Variants in OTOGL observed in about 807,000 individuals in gnomAD.
OTOGL encodes otogelin like, also known as otogelin-like protein.
Under a neutral mutation model 318.5 loss-of-function variants are expected in OTOGL, and 285 were observed. The ratio of observed to expected loss-of-function variants is 0.89; its 90% CI spans 0.81 to 0.99. The LOEUF is 0.99. OTOGL is among the 50% of genes least tolerant of loss of function. OTOGL has a pLI of 0.00. For synonymous variants in OTOGL, 987 were observed against 936.5 expected, an observed-to-expected ratio of 1.05 and a Z score of -0.99; for missense variants, 2,899 against 2,845.6, an observed-to-expected ratio of 1.02 and a Z score of -0.43.
intron 1 of OTOGL, among the ~76,000 whole-genome samples, chr12:80,140,012 C>T (rs1871827767): frequency 6.6e-6 from 1 of 152,158 alleles, no homozygotes; most frequent in South Asian, 2.1e-4. Flanking sequence ...TCTTACCATG[C>T]TATTTAAGCC....
Position 80,378,096 on chromosome 12 carries a change from A to G in OTOGL, c.*48A>G, listed in dbSNP as rs147988184. On this transcript the variant is annotated 3_prime_UTR_variant, in exon 59 of 59. Transcript: ENST00000547103. ...ATACAACATCATAACGTCAGATAGA[A>G]TTAACTTTTATTGCTATTACTTAGG... The G allele has an allele frequency of 8.1e-4, 1,085 of 1,339,794 alleles. 8 individuals are homozygous for G. In the Middle Eastern group the frequency reaches 8.2e-3, roughly 10 times the overall value. The allele number at this position is 1,339,794 out of a possible 1,614,324, so 83.0% of individuals were successfully genotyped here.
Position 80,271,686 on chromosome 12 carries a change from A to T in OTOGL, c.2557A>T (p.Arg853Trp), listed in dbSNP as rs760438440. Residue 853 changes from arginine to tryptophan, a missense_variant, in exon 24 of 59, where the codon AGG becomes TGG. Arg to Trp is a moderately radical substitution (Grantham distance 101). Around this residue, in one of 3 missense-constraint regions of OTOGL, gnomAD observed 2,607 missense variants for 2,524.9 expected, o/e 1.03. Transcript: ENST00000547103. ...CPEGKEYFDC[R>W]FPDPELPAGG... ...AGAGGGAAAAGAGTATTTCGACTGC[A>T]GGTTTCCTGACCCTGAATTACCAGC... The T allele has an allele frequency of 6.2e-7, 1 of 1,613,110 alleles. No homozygotes were observed. The highest frequency in any genetic ancestry group is 1.7e-5 in the Admixed American group (1 of 59,848).
chr12:80,290,476 T>C (rs181090684), intron 26 of OTOGL, among the ~76,000 whole-genome samples: 161 of 152,266 alleles, frequency 1.1e-3, no homozygotes, highest in Middle Eastern at 3.4e-3. Flanking sequence ...TTTAATTATT[T>C]TTGAAATTAT....
At chr12:80,302,851 A>C (rs901549165) in intron 28 of OTOGL, 68 bp downstream of exon 28, 6 of 1,230,168 alleles carry the variant, frequency 4.9e-6, no homozygotes, top group Non-Finnish European at 6.3e-6. Flanking sequence ...ATGTTTGATG[A>C]AAATAAAATG....
intron 1 of OTOGL, among the ~76,000 whole-genome samples, chr12:80,101,407 G>A (rs560944222): frequency 2.0e-5 from 3 of 152,242 alleles, no homozygotes; most frequent in African/African-American, 7.2e-5. Flanking sequence ...TCATTCTCCT[G>A]AACATCCTCC....
At position 80,293,747 on chromosome 12, in the gene OTOGL, A is replaced by C. The variant is rs991289065; in HGVS notation, c.2929-3080A>C. Among the ~76,000 whole-genome samples the C allele has an allele frequency of 2.6e-5, 4 of 152,164 alleles. No homozygotes were observed. In the East Asian group the frequency reaches 7.7e-4, roughly 29 times the overall value. ...AGATCTTCCTGCAAAACATTAAAAA[A>C]AATCAGTATTTTCTGGTTCAAATTT... On this transcript the variant is annotated intron_variant, in intron 26 of 58. Transcript: ENST00000547103.
Position 80,355,917 on chromosome 12 carries a change from T to C in OTOGL, c.5775T>C (p.Asp1925=), listed in dbSNP as rs1319190500. ...REAEVVMGII[D]KWTCCSKEVC... Reference sequence around the variant, plus strand: ...CTGAAGTTGTCATGGGCATCATTGATAAATGGACCTGCTGTTCAAAGGAAG... The same window carrying C: ...CTGAAGTTGTCATGGGCATCATTGACAAATGGACCTGCTGTTCAAAGGAAG... Residue 1925 remains aspartate, a synonymous_variant, in exon 47 of 59, where the codon GAT becomes GAC. Coordinates refer to ENST00000547103, the MANE Select transcript of OTOGL (RefSeq NM_001378609.3). 6.2e-7 allele frequency: 1 copy of C among 1,613,922 alleles called. No individual in the cohort carries two copies. Among genetic ancestry groups the C allele is most frequent in the South Asian group, 1.1e-5 (1 of 91,084 alleles).
chr12:80,355,975 A>T, intron 47 of OTOGL, 27 bp downstream of exon 47: 2 of 1,595,072 alleles, frequency 1.3e-6, no homozygotes. Context: ...CTTATAGTCA[A>T]TTGATTCCAC....
At chr12:80,298,738 A>G (rs1885573960) in intron 27 of OTOGL, among the ~76,000 whole-genome samples, 1 of 152,100 alleles carries the variant, frequency 6.6e-6, no homozygotes, top group Non-Finnish European at 1.5e-5. Flanking sequence ...AATATATGGG[A>G]CAGTGGATGG....
intron 1 of OTOGL, among the ~76,000 whole-genome samples, chr12:80,143,448 G>T (rs962122896): frequency 6.6e-6 from 1 of 152,090 alleles, no homozygotes; most frequent in Non-Finnish European, 1.5e-5. Context: ...CCTGGTGATA[G>T]ACACACCTTC....
At chr12:80,101,731 C>T (rs1202884747) in intron 1 of OTOGL, among the ~76,000 whole-genome samples, 1 of 152,038 alleles carries the variant, frequency 6.6e-6, no homozygotes, top group Non-Finnish European at 1.5e-5. Context: ...TCTCACACTG[C>T]TAAAGCAACT....
intron 22 of OTOGL, among the ~76,000 whole-genome samples, chr12:80,269,728 C>T (rs1052663402): frequency 1.3e-5 from 2 of 152,138 alleles, no homozygotes; most frequent in Admixed American, 1.3e-4. Flanking sequence ...ATTTTAAAAA[C>T]ATTTTTTCTT....
At chr12:80,207,510 T>A (rs893061391) in intron 1 of OTOGL, among the ~76,000 whole-genome samples, 1 of 152,134 alleles carries the variant, frequency 6.6e-6, no homozygotes, top group African/African-American at 2.4e-5. Context: ...CAGCCCTGAC[T>A]TTTGGAAATT....
chr12:80,334,852 T>C (rs897699160), intron 38 of OTOGL, among the ~76,000 whole-genome samples: 3 of 152,096 alleles, frequency 2.0e-5, no homozygotes, highest in Non-Finnish European at 2.9e-5. Flanking sequence ...AGGTCTATAG[T>C]TCTCTTGTAA....
chr12:80,336,497 TAGTA>T lies in OTOGL; in HGVS notation c.4688_4691del (p.Val1563GlufsTer7), dbSNP rs1260763187. 1.2e-6 allele frequency: 2 copies of T among 1,608,670 alleles called. No homozygotes were observed. The highest frequency in any genetic ancestry group is 3.3e-5 in the Admixed American group (2 of 59,844). On this transcript the variant is annotated frameshift_variant, in exon 40 of 59. Transcript: ENST00000547103. LOFTEE classifies it high-confidence loss of function. ...TTATATAGCATGGCTTCTTATATCT[TAGTA>T]AGAATTCCTGGTGAAATTATAGTTG...
intron 35 of OTOGL, among the ~76,000 whole-genome samples, chr12:80,326,135 T>C (rs189205601): frequency 6.6e-6 from 1 of 152,328 alleles, no homozygotes; most frequent in Admixed American, 6.5e-5. Flanking sequence ...ACTCAAATAC[T>C]GAGCTGGGGT....
At chr12:80,158,085 C>G (rs1011686932) in intron 1 of OTOGL, among the ~76,000 whole-genome samples, 4 of 152,010 alleles carry the variant, frequency 2.6e-5, no homozygotes, top group Non-Finnish European at 5.9e-5. Flanking sequence ...AAAAATGCCA[C>G]AAGCTTATAA....
At chr12:80,187,315 G>A (rs551243508) in intron 1 of OTOGL, among the ~76,000 whole-genome samples, 1 of 151,942 alleles carries the variant, frequency 6.6e-6, no homozygotes, top group East Asian at 1.9e-4. Flanking sequence ...AAGAAAAATA[G>A]GGCCTGGCCT....
chr12:80,279,013 G>A lies in OTOGL; in HGVS notation c.2790-15G>A, dbSNP rs1884012112. ...TCGTTTCTTTAGAAAGGTAACTTTTGTTATTTTTTAATAGCGTTTGTCGAC... is the reference window on the plus strand; with the variant it reads ...TCGTTTCTTTAGAAAGGTAACTTTTATTATTTTTTAATAGCGTTTGTCGAC... On this transcript the variant is annotated splice_polypyrimidine_tract_variant and intron_variant, in intron 25 of 58. Coordinates refer to ENST00000547103, the MANE Select transcript of OTOGL (RefSeq NM_001378609.3). The A allele has an allele frequency of 9.3e-7, 1 of 1,071,286 alleles. No individual in the cohort carries two copies. Among genetic ancestry groups the A allele is most frequent in the Non-Finnish European group, 1.3e-6 (1 of 750,776 alleles). 66.4% of individuals were successfully genotyped at this position (1,071,286 alleles called of 1,614,324 possible). A position where few individuals can be genotyped will look rare whatever the true frequency, so the allele number is the denominator to read the frequency against.
Sources: gnomAD v4.1 joint callset for allele counts (sites outside exome capture counted in the v4.1 genomes callset) on GRCh38, gnomAD v4.1.1 for gene constraint, gnomAD v4.1.1 regional missense constraint, MANE v1.5 for transcripts, NCBI Gene and HGNC (gene_info 2026-07-23, HGNC 2026-07-21) for gene names.